Variants in GOLGA4 observed in about 807,000 individuals in gnomAD.
GOLGA4 encodes golgin subfamily A member 4.
GOLGA4 carries 169 observed loss-of-function variants against 265.9 expected under a neutral mutation model. The observed-to-expected ratio is 0.64, with a 90% CI of 0.56 to 0.72. The LOEUF (loss-of-function observed/expected upper bound fraction) is 0.72. Ranked by LOEUF, GOLGA4 falls within the 30% of genes least tolerant of loss-of-function variation. GOLGA4 has a pLI of 0.00. For synonymous variants in GOLGA4, 923 were observed against 855.8 expected, an observed-to-expected ratio of 1.08 and a Z score of -1.37; for missense variants, 2,482 against 2,483.4, an observed-to-expected ratio of 1.00 and a Z score of 0.01.
At chr3:37,311,244 C>T (rs879800484) in intron 10 of GOLGA4, among the ~76,000 whole-genome samples, 1 of 152,044 alleles carries the variant, frequency 6.6e-6, no homozygotes, top group Non-Finnish European at 1.5e-5. Context: ...GTTTGAAATA[C>T]GTTTTCTGTG....
intron 16 of GOLGA4, among the ~76,000 whole-genome samples, chr3:37,332,333 C>G (rs532050620): frequency 2.0e-5 from 3 of 152,074 alleles, no homozygotes; most frequent in Non-Finnish European, 4.4e-5. Context: ...AAAAAAAGAT[C>G]GGGGCAGCGG....
intron 21 of GOLGA4, among the ~76,000 whole-genome samples, chr3:37,352,368 A>G (rs1437594607): frequency 1.3e-5 from 2 of 152,032 alleles, no homozygotes; most frequent in Non-Finnish European, 2.9e-5. Flanking sequence ...TTATAAAACC[A>G]TCAGATCTCA....
At chr3:37,247,243 A>G (rs570352379) in intron 1 of GOLGA4, among the ~76,000 whole-genome samples, 14 of 152,358 alleles carry the variant, frequency 9.2e-5, no homozygotes, top group South Asian at 2.1e-4. Context: ...TGAGGATTCA[A>G]TGGCTGTGTC....
intron 2 of GOLGA4, among the ~76,000 whole-genome samples, chr3:37,280,437 T>G (rs1435201423): frequency 6.6e-6 from 1 of 152,136 alleles, no homozygotes; most frequent in Non-Finnish European, 1.5e-5. Flanking sequence ...CTGTATAAGG[T>G]GTATATGAAA....
At chr3:37,317,847 G>A (rs1477633912) in intron 11 of GOLGA4, among the ~76,000 whole-genome samples, 6 of 151,932 alleles carry the variant, frequency 3.9e-5, no homozygotes, top group Admixed American at 3.3e-4. Flanking sequence ...TTGCACATAC[G>A]TCCTTTTAGC....
Position 37,325,298 on chromosome 3 carries a change from A to G in GOLGA4, c.3412A>G (p.Lys1138Glu). Residue 1138 changes from lysine (K) to glutamate (E), a missense_variant, in exon 14 of 24, where the codon AAG becomes GAG. Lys to Glu is a moderately conservative substitution (Grantham distance 56). This residue lies in a region of GOLGA4 where 1,536 missense variants were observed against 1,483.7 expected (regional missense o/e 1.04). Coordinates refer to ENST00000361924, the MANE Select transcript of GOLGA4 (RefSeq NM_002078.5). Reference protein sequence around the residue: ...DETKLKAHLEKLEVDLNKSLK... With the variant: ...DETKLKAHLEELEVDLNKSLK... ...AACTAAACTGAAAGCTCATCTTGAAAAGCTAGAGGTTGACTTGAATAAGTC... is the reference window on the plus strand; with the variant it reads ...AACTAAACTGAAAGCTCATCTTGAAGAGCTAGAGGTTGACTTGAATAAGTC... The G allele has an allele frequency of 1.2e-6, 2 of 1,613,702 alleles. No individual in the cohort carries two copies. Among genetic ancestry groups the G allele is most frequent in the South Asian group, 2.2e-5 (2 of 90,960 alleles).
At chr3:37,363,284 A>G (rs1696477153) in intron 23 of GOLGA4, among the ~76,000 whole-genome samples, 1 of 151,950 alleles carries the variant, frequency 6.6e-6, no homozygotes, top group Admixed American at 6.6e-5. Context: ...TGTAAATTCT[A>G]TAGCTAACCC....
chr3:37,283,147 A>G (rs529463609), intron 3 of GOLGA4, among the ~76,000 whole-genome samples: 1 of 152,342 alleles, frequency 6.6e-6, no homozygotes, highest in African/African-American at 2.4e-5. Flanking sequence ...CAATATGAGT[A>G]ATTTTATCCT....
intron 4 of GOLGA4, 125 bp downstream of exon 4, chr3:37,286,186 G>A (rs1358824285): frequency 9.1e-5 from 44 of 482,924 alleles, no homozygotes; most frequent in Non-Finnish European, 1.3e-4. Flanking sequence ...TCGCTCTGTC[G>A]CCCAGGCTGG....
chr3:37,289,253 C>T lies in GOLGA4; in HGVS notation c.544C>T (p.Gln182Ter). The change falls in exon 5 of 24, where the codon CAG (glutamine) becomes TAG (stop). Residue 182 changes from glutamine (Q) to a stop codon, truncating the protein, a stop_gained. Transcript: ENST00000361924. LOFTEE classifies it high-confidence loss of function. ...ATTAAAGGGTATATTAAGTCAGAGT[C>T]AGGATAAATCACTTCGGAGAATAGC... ...KKLQGILSQS[Q>*]DKSLRRIAEL... The T allele has an allele frequency of 6.3e-7, 1 of 1,593,950 alleles. No individual in the cohort carries two copies. The highest frequency in any genetic ancestry group is 2.2e-5 in the East Asian group (1 of 44,584).
At chr3:37,268,359 C>G (rs1578417851) in intron 2 of GOLGA4, among the ~76,000 whole-genome samples, 1 of 151,984 alleles carries the variant, frequency 6.6e-6, no homozygotes. Context: ...GCTTGGATTA[C>G]AGACATGAGC....
intron 22 of GOLGA4, among the ~76,000 whole-genome samples, chr3:37,358,047 A>G (rs2097095145): frequency 6.6e-6 from 1 of 152,204 alleles, no homozygotes. Flanking sequence ...TGGTATAAGA[A>G]AACCAAAACA....
chr3:37,313,864 C>CTGAA (rs1453814705), intron 10 of GOLGA4, among the ~76,000 whole-genome samples: 9 of 152,054 alleles, frequency 5.9e-5, no homozygotes, highest in Non-Finnish European at 1.3e-4. Context: ...GAGGAGTGTA[C>CTGAA]TGAATGAGTA....
At chr3:37,312,043 A>G (rs959540628) in intron 10 of GOLGA4, among the ~76,000 whole-genome samples, 3 of 152,208 alleles carry the variant, frequency 2.0e-5, no homozygotes, top group Non-Finnish European at 4.4e-5. Flanking sequence ...TAATTGACAA[A>G]AGGTTTTCAT....
In GOLGA4 at chr3:37,324,174, T is replaced by G; in HGVS notation, c.2288T>G (p.Leu763Arg). Residue 763 changes from leucine (L) to arginine (R), a missense_variant, in exon 14 of 24, where the codon CTT becomes CGT. Leu to Arg is a moderately radical substitution (Grantham distance 102). Transcript: ENST00000361924. ...ALKDQINQLE[L>R]LLKERDKHLK... ...AAAGATCAAATTAATCAACTTGAGC[T>G]TCTCTTGAAGGAAAGGGACAAGCAT... 1 of 1,614,128 alleles carries G rather than the reference T, an allele frequency of 6.2e-7. No homozygotes were observed. Among genetic ancestry groups the G allele is most frequent in the Non-Finnish European group, 8.5e-7 (1 of 1,179,994 alleles).
Position 37,243,522 on chromosome 3 carries a change from G to T in GOLGA4, c.-29G>T. On this transcript the variant is annotated 5_prime_UTR_variant, in exon 1 of 24. Coordinates refer to ENST00000361924, the MANE Select transcript of GOLGA4 (RefSeq NM_002078.5). ...GGGCTCTCGCCCTTCAGGTTTCGTT[G>T]ACACTCAGGACCGTACGTACGCTGC... is the stretch of plus-strand genomic sequence containing the variant. 2 of 1,609,226 alleles carry T rather than the reference G, an allele frequency of 1.2e-6. No homozygotes were observed. The highest frequency in any genetic ancestry group is 2.2e-5 in the South Asian group (2 of 90,956).
In GOLGA4 at chr3:37,323,651, G is replaced by C. The variant is rs987867651; in HGVS notation, c.1765G>C (p.Asp589His). 4 of 1,590,242 alleles carry C rather than the reference G, an allele frequency of 2.5e-6. No individual in the cohort carries two copies. The highest frequency in any genetic ancestry group is 2.6e-6 in the Non-Finnish European group (3 of 1,173,088). Residue 589 changes from aspartate (D) to histidine (H), a missense_variant, in exon 14 of 24, where the codon GAT (aspartate) becomes CAT (histidine). Asp to His is a moderately conservative substitution (Grantham distance 81). Coordinates refer to ENST00000361924, the MANE Select transcript of GOLGA4 (RefSeq NM_002078.5). Reference sequence around the variant, plus strand: ...ACAAGAAAACAAAAATCAGTCAAAAGATTTGGCTGTTCATCTGGAAGCTGA... The same window carrying C: ...ACAAGAAAACAAAAATCAGTCAAAACATTTGGCTGTTCATCTGGAAGCTGA... The part of the protein sequence containing the change: ...SLQENKNQSK[D>H]LAVHLEAEKN...
chr3:37,349,132 A>G (rs563666163), intron 21 of GOLGA4, among the ~76,000 whole-genome samples: 2 of 152,310 alleles, frequency 1.3e-5, no homozygotes, highest in Non-Finnish European at 2.9e-5. Context: ...TTATAGGCAA[A>G]TAGAAAATTG....
intron 1 of GOLGA4, among the ~76,000 whole-genome samples, chr3:37,246,898 T>C (rs2096721142): frequency 6.6e-6 from 1 of 152,136 alleles, no homozygotes; most frequent in Non-Finnish European, 1.5e-5. Context: ...CCCAAAATAA[T>C]AGTTTATGTG....
Sources: allele counts gnomAD v4.1 joint callset (sites outside exome capture counted in the v4.1 genomes callset), GRCh38; gene constraint gnomAD v4.1.1; regional missense constraint gnomAD v4.1.1; transcripts MANE v1.5; gene names NCBI Gene and HGNC (gene_info 2026-07-23, HGNC 2026-07-21).